LRRC4C: variants seen among roughly 807,000 people sequenced by gnomAD.
LRRC4C encodes the protein leucine rich repeat containing 4C, also known as leucine-rich repeat-containing protein 4C.
In LRRC4C, 5 loss-of-function variants were observed where a neutral mutation model predicts 33.6. The ratio of observed to expected loss-of-function variants is 0.15; its 90% CI spans 0.08 to 0.31. The LOEUF (loss-of-function observed/expected upper bound fraction) is 0.31, where lower values mean the gene tolerates loss of function less well. Ranked by LOEUF, LRRC4C falls within the 10% of genes least tolerant of loss-of-function variation. The pLI is 1.00. For synonymous variants in LRRC4C, 329 were observed against 302.0 expected, an observed-to-expected ratio of 1.09 and a Z score of -0.93; for missense variants, 560 against 796.7, an observed-to-expected ratio of 0.70 and a Z score of 3.58.
intron 2 of LRRC4C, among the ~76,000 whole-genome samples, chr11:40,920,070 G>A (rs1957113605): frequency 6.6e-6 from 1 of 152,068 alleles, no homozygotes; most frequent in South Asian, 2.1e-4. Flanking sequence ...ATGATGCAAT[G>A]CCATTAATTT....
At chr11:40,395,352 T>C (rs1019022620) in intron 3 of LRRC4C, among the ~76,000 whole-genome samples, 1 of 152,190 alleles carries the variant, frequency 6.6e-6, no homozygotes, top group African/African-American at 2.4e-5. Context: ...GCCACTCATT[T>C]ATTTTTCTGA....
intron 1 of LRRC4C, among the ~76,000 whole-genome samples, chr11:41,409,907 G>A (rs2138200933): frequency 6.6e-6 from 1 of 152,258 alleles, no homozygotes; most frequent in African/African-American, 2.4e-5. Context: ...GTGTTTTTTA[G>A]CCATTAATAT....
chr11:40,877,712 T>C (rs968135006), intron 2 of LRRC4C, among the ~76,000 whole-genome samples: 1 of 152,192 alleles, frequency 6.6e-6, no homozygotes, highest in African/African-American at 2.4e-5. Flanking sequence ...GCAGACACAT[T>C]TGACGAAGTG....
At chr11:41,212,355 T>A (rs146347685) in intron 1 of LRRC4C, among the ~76,000 whole-genome samples, 1,639 of 152,352 alleles carry the variant, frequency 0.011, 30 homozygotes, top group African/African-American at 0.037. Context: ...AAGCTGAATA[T>A]CTTTCCAATA....
At chr11:41,085,926 A>G (rs7108421) in intron 1 of LRRC4C, among the ~76,000 whole-genome samples, 3 of 85,882 alleles carry the variant, frequency 3.5e-5, no homozygotes, top group Admixed American at 1.3e-4. Flanking sequence ...TTTTTAAGAC[A>G]CCAAAAAAAA....
At chr11:41,089,098 T>A (rs574649658) in intron 1 of LRRC4C, among the ~76,000 whole-genome samples, 4 of 151,946 alleles carry the variant, frequency 2.6e-5, no homozygotes, top group Non-Finnish European at 5.9e-5. Context: ...ATGTATTATA[T>A]CTCAGAAAAT....
chr11:40,329,533 AC>A (rs1349580958), intron 3 of LRRC4C, among the ~76,000 whole-genome samples: 2 of 152,088 alleles, frequency 1.3e-5, no homozygotes, highest in Non-Finnish European at 2.9e-5. Flanking sequence ...TCCTTTGTGT[AC>A]CTCGTGGTAT....
At chr11:40,341,847 T>C (rs567181313) in intron 3 of LRRC4C, among the ~76,000 whole-genome samples, 1 of 152,258 alleles carries the variant, frequency 6.6e-6, no homozygotes, top group South Asian at 2.1e-4. Context: ...GAAAGAAATA[T>C]AAATCGATGT....
chr11:40,917,284 T>C (rs540423669), intron 2 of LRRC4C, among the ~76,000 whole-genome samples: 1 of 152,292 alleles, frequency 6.6e-6, no homozygotes, highest in Non-Finnish European at 1.5e-5. Flanking sequence ...TCAGATAGTA[T>C]ATCACTAAGA....
chr11:41,303,537 C>T (rs1411096434), intron 1 of LRRC4C, among the ~76,000 whole-genome samples: 63 of 110,616 alleles, frequency 5.7e-4, no homozygotes, highest in African/African-American at 2.1e-3. Flanking sequence ...AGTGTCTCTG[C>T]CTGGCCGCCC....
intron 1 of LRRC4C, among the ~76,000 whole-genome samples, chr11:41,328,622 A>G (rs1951197710): frequency 6.6e-6 from 1 of 152,150 alleles, no homozygotes; most frequent in Admixed American, 6.5e-5. Flanking sequence ...GACTCTACTG[A>G]ACATAGCCAT....
At chr11:40,957,048 G>C (rs922807507) in intron 1 of LRRC4C, among the ~76,000 whole-genome samples, 2 of 151,742 alleles carry the variant, frequency 1.3e-5, no homozygotes, top group Non-Finnish European at 2.9e-5. Flanking sequence ...TGTCCCAGGA[G>C]AGAAAACATG....
intron 3 of LRRC4C, among the ~76,000 whole-genome samples, chr11:40,328,864 C>T (rs1346105028): frequency 6.6e-6 from 1 of 152,220 alleles, no homozygotes; most frequent in Non-Finnish European, 1.5e-5. Context: ...AAAAAGGTAA[C>T]TGGATAATAG....
intron 1 of LRRC4C, among the ~76,000 whole-genome samples, chr11:41,125,498 A>G (rs1032039007): frequency 6.6e-6 from 1 of 152,202 alleles, no homozygotes; most frequent in Non-Finnish European, 1.5e-5. Context: ...TTTTTTAATG[A>G]TAAGCAAGTG....
intron 1 of LRRC4C, among the ~76,000 whole-genome samples, chr11:41,411,510 A>G (rs1954489157): frequency 6.6e-6 from 1 of 152,092 alleles, no homozygotes; most frequent in Non-Finnish European, 1.5e-5. Flanking sequence ...CAACTTGGAA[A>G]ATAGAACATA....
chr11:41,432,004 T>C (rs1213381632), intron 1 of LRRC4C, among the ~76,000 whole-genome samples: 1 of 152,156 alleles, frequency 6.6e-6, no homozygotes, highest in Non-Finnish European at 1.5e-5. Flanking sequence ...AGAGGGGCCA[T>C]TGGCCATGTG....
At chr11:40,215,565 C>G (rs747656295) in intron 5 of LRRC4C, among the ~76,000 whole-genome samples, 9 of 152,204 alleles carry the variant, frequency 5.9e-5, no homozygotes, top group Non-Finnish European at 1.2e-4. Flanking sequence ...GCTGCAATAA[C>G]TGTTGTCCAG....
chr11:41,211,010 C>A (rs1330335247), intron 1 of LRRC4C, among the ~76,000 whole-genome samples: 2 of 152,154 alleles, frequency 1.3e-5, no homozygotes, highest in Non-Finnish European at 2.9e-5. Flanking sequence ...CACAGCTGAT[C>A]TGACAGGAGG....
intron 3 of LRRC4C, among the ~76,000 whole-genome samples, chr11:40,628,206 G>A (rs1196256976): frequency 5.9e-5 from 9 of 152,186 alleles, no homozygotes; most frequent in Non-Finnish European, 1.3e-4. Context: ...GGCCGGGCGC[G>A]GTGGCTCAAG....
Sources: gnomAD v4.1 joint callset for allele counts (sites outside exome capture counted in the v4.1 genomes callset) on GRCh38, gnomAD v4.1.1 for gene constraint, MANE v1.5 for transcripts, NCBI Gene and HGNC (gene_info 2026-07-23, HGNC 2026-07-21) for gene names.